SUSD5: variants seen among roughly 807,000 people sequenced by gnomAD.
SUSD5 encodes sushi domain containing 5, also known as sushi domain-containing protein 5.
In SUSD5, 33 loss-of-function variants were observed where a neutral mutation model predicts 29.5. The ratio of observed to expected loss-of-function variants is 1.12; its 90% CI spans 0.85 to 1.49. The LOEUF (loss-of-function observed/expected upper bound fraction) is 1.49, where lower values mean the gene tolerates loss of function less well. SUSD5 is among the 40% of genes most tolerant of loss of function. SUSD5 has a pLI of 0.00. For missense variants in SUSD5, 776 were observed against 800.6 expected (o/e 0.97, Z 0.37); for synonymous variants, 308 against 325.3 (o/e 0.95, Z 0.57).
intron 4 of SUSD5, among the ~76,000 whole-genome samples, chr3:33,166,924 A>T (rs1205361828): frequency 1.3e-5 from 2 of 152,158 alleles, no homozygotes; most frequent in East Asian, 3.9e-4. Flanking sequence ...CATGCCTGTA[A>T]TCCCAGCACT....
At chr3:33,201,075 G>A (rs1559455290) in intron 3 of SUSD5, among the ~76,000 whole-genome samples, 1 of 152,188 alleles carries the variant, frequency 6.6e-6, no homozygotes, top group Non-Finnish European at 1.5e-5. Flanking sequence ...GGAAAGAACA[G>A]CATAAAGGCC....
chr3:33,178,990 T>C (rs117533494), intron 3 of SUSD5, among the ~76,000 whole-genome samples: 2 of 152,338 alleles, frequency 1.3e-5, no homozygotes, highest in East Asian at 3.9e-4. Context: ...GGTGCTTTCT[T>C]TGGAAGGTTG....
chr3:33,207,947 A>G lies in SUSD5; in HGVS notation c.291-21T>C, dbSNP rs770687662. 3.2e-6 allele frequency: 5 copies of G among 1,575,706 alleles called. No individual in the cohort carries two copies. The African/African-American group carries it at 6.8e-5, about 21-fold the overall frequency. ...TTGTTCTGAAATAGACAAAAAAGGC[A>G]CTGAATGAGGAAAACTCTGGGTTGA... On this transcript the variant is annotated intron_variant, in intron 2 of 4. Coordinates refer to ENST00000309558, the MANE Select transcript of SUSD5 (RefSeq NM_015551.2).
intron 3 of SUSD5, among the ~76,000 whole-genome samples, chr3:33,197,875 G>A (rs2032024395): frequency 6.6e-6 from 1 of 152,074 alleles, no homozygotes; most frequent in African/African-American, 2.4e-5. Context: ...ATCAGTTGAT[G>A]AACATCTGTG....
At position 33,186,853 on chromosome 3, in the gene SUSD5, ACT is replaced by A. The variant is rs1381935942; in HGVS notation, c.410-11781_410-11780del. Among the ~76,000 whole-genome samples, 10 of 152,136 alleles carry A rather than the reference ACT, an allele frequency of 6.6e-5. No homozygotes were observed. In the East Asian group the frequency reaches 1.9e-3, roughly 29 times the overall value. On this transcript the variant is annotated intron_variant, in intron 3 of 4. Transcript: ENST00000309558. ...ACACATTTTGACCAAAACTACCTTG[ACT>A]CTCTGAGTCAAGGAGCCTAGGAGAT... is the stretch of plus-strand genomic sequence containing the variant.
chr3:33,182,118 A>G (rs1418686159), intron 3 of SUSD5, among the ~76,000 whole-genome samples: 1 of 152,216 alleles, frequency 6.6e-6, no homozygotes, highest in Non-Finnish European at 1.5e-5. Context: ...CAACTTTTGA[A>G]AAGTATTTTC....
rs188325647 is a variant in SUSD5 at position 33,199,252 on chromosome 3, A to G, written c.409+8556T>C. ...CACACACACACACACACACACGTTT[A>G]CACATATACACAAAAATAAGTTGTT... is the stretch of plus-strand genomic sequence containing the variant. On this transcript the variant is annotated intron_variant, in intron 3 of 4. Coordinates refer to ENST00000309558, the MANE Select transcript of SUSD5 (RefSeq NM_015551.2). 6.5e-4 allele frequency among the ~76,000 whole-genome samples: 98 copies of G among 150,144 alleles called. 1 individual carries two copies. The highest frequency in any genetic ancestry group is 6.8e-3 in the Middle Eastern group (2 of 292).
intron 3 of SUSD5, among the ~76,000 whole-genome samples, chr3:33,190,953 C>T (rs1262584613): frequency 6.6e-6 from 1 of 152,126 alleles, no homozygotes; most frequent in Non-Finnish European, 1.5e-5. Context: ...CCATCAAATT[C>T]CACTGTGAAT....
At position 33,153,765 on chromosome 3, in the gene SUSD5, G is replaced by A. The variant is rs778476864; in HGVS notation, c.867C>T (p.Leu289=). 1 of 1,613,902 alleles carries A rather than the reference G, an allele frequency of 6.2e-7. No homozygotes were observed. Among genetic ancestry groups the A allele is most frequent in the Non-Finnish European group, 8.5e-7 (1 of 1,179,898 alleles). Residue 289 remains leucine (L), a synonymous_variant, in exon 5 of 5, where the codon CTC becomes CTT. Transcript: ENST00000309558. Reference sequence around the variant, plus strand: ...CAGGAAACCAGAACAAGTGCTTCTGGAGCAGCCGTGATCCTGGTGAATCTG... The same window carrying A: ...CAGGAAACCAGAACAAGTGCTTCTGAAGCAGCCGTGATCCTGGTGAATCTG... ...VPADSPGSRL[L]QKHLFWFPAE...
chr3:33,165,918 G>T (rs577647390), intron 4 of SUSD5, among the ~76,000 whole-genome samples: 1 of 151,410 alleles, frequency 6.6e-6, no homozygotes, highest in Admixed American at 6.6e-5. Flanking sequence ...CGAGATAGGA[G>T]GATCACTTGA....
At chr3:33,196,387 G>A (rs1360196048) in intron 3 of SUSD5, among the ~76,000 whole-genome samples, 1 of 152,180 alleles carries the variant, frequency 6.6e-6, no homozygotes, top group Non-Finnish European at 1.5e-5. Context: ...TGGATTCTTG[G>A]GGTTGGGCTA....
Position 33,153,199 on chromosome 3 carries a change from G to C in SUSD5, c.1433C>G (p.Thr478Arg). The C allele has an allele frequency of 6.2e-7, 1 of 1,613,828 alleles. No individual in the cohort carries two copies. Among genetic ancestry groups the C allele is most frequent in the East Asian group, 2.2e-5 (1 of 44,856 alleles). ...YQSTLPWRFI[T>R]EESPMATLSY... ...CAGGGTGGCCATGGGAGATTCCTCT[G>C]TGATGAATCTCCAGGGTAGAGTTGA... The change falls in exon 5 of 5, where the codon ACA (threonine) becomes AGA (arginine). Residue 478 changes from threonine (T) to arginine (R), a missense_variant. By Grantham distance (71) the Thr-to-Arg change is moderately conservative (BLOSUM62 -1). Transcript: ENST00000309558.
rs2030845074 is a variant in SUSD5 at position 33,150,446 on chromosome 3, AAC to A, written c.*2294_*2295del. The A allele has an allele frequency of 6.6e-6, 1 of 152,218 alleles. No homozygotes were observed. Among genetic ancestry groups the A allele is most frequent in the Non-Finnish European group, 1.5e-5 (1 of 68,040 alleles). The allele number at this position is 152,218 out of a possible 1,614,324, so 9.4% of individuals were successfully genotyped here. A position where few individuals can be genotyped will look rare whatever the true frequency, so the allele number is the denominator to read the frequency against. The stretch of plus-strand genomic sequence containing the variant: ...GGGTTATTCCACAATAATAGTTGCT[AAC>A]ACAGTCCCAATGCTGAGACAGAGGT... On this transcript the variant is annotated 3_prime_UTR_variant, in exon 5 of 5. Coordinates refer to ENST00000309558, the MANE Select transcript of SUSD5 (RefSeq NM_015551.2).
chr3:33,164,432 T>A lies in SUSD5; in HGVS notation c.599-10399A>T, dbSNP rs189374191. ...GATCTGTTTCGTAACAATGTGAATA[T>A]GCTTAACACTACTTATCTGCACACT... On this transcript the variant is annotated intron_variant, in intron 4 of 4. Transcript: ENST00000309558. Among the ~76,000 whole-genome samples, 35 of 152,330 alleles carry A rather than the reference T, an allele frequency of 2.3e-4. 1 individual carries two copies. The East Asian group carries it at 6.7e-3, about 29-fold the overall frequency.
chr3:33,173,518 A>G (rs1302330340), intron 4 of SUSD5, among the ~76,000 whole-genome samples: 1 of 152,236 alleles, frequency 6.6e-6, no homozygotes, highest in African/African-American at 2.4e-5. Context: ...CACACTGTGG[A>G]TAGTAAATAG....
At chr3:33,195,602 T>C (rs1391236658) in intron 3 of SUSD5, among the ~76,000 whole-genome samples, 1 of 152,192 alleles carries the variant, frequency 6.6e-6, no homozygotes, top group Non-Finnish European at 1.5e-5. Context: ...GTATTTATTA[T>C]AGTGAAATCC....
intron 4 of SUSD5, among the ~76,000 whole-genome samples, chr3:33,154,367 C>CAA (rs1201761116): frequency 6.6e-6 from 1 of 151,926 alleles, no homozygotes; most frequent in African/African-American, 2.4e-5. Context: ...TAATAAAATA[C>CAA]AAAAAAATAG....
At chr3:33,210,307 T>C (rs963746343) in intron 2 of SUSD5, among the ~76,000 whole-genome samples, 1 of 152,182 alleles carries the variant, frequency 6.6e-6, no homozygotes. Context: ...TACAGTGTAC[T>C]GTGTCCAGCT....
chr3:33,216,604 G>A (rs533127406), intron 1 of SUSD5, among the ~76,000 whole-genome samples: 7 of 152,224 alleles, frequency 4.6e-5, no homozygotes, highest in Admixed American at 3.9e-4. Context: ...AGGTCTTCTT[G>A]CTGTAAAATT....
Sources: allele counts gnomAD v4.1 joint callset (sites outside exome capture counted in the v4.1 genomes callset), GRCh38; gene constraint gnomAD v4.1.1; transcripts MANE v1.5; gene names NCBI Gene and HGNC (gene_info 2026-07-23, HGNC 2026-07-21).